TNIK: variants seen among roughly 807,000 people sequenced by gnomAD.
TNIK encodes TRAF2 and NCK-interacting protein kinase.
Under a neutral mutation model 191.3 loss-of-function variants are expected in TNIK, and 49 were observed. That is an observed-to-expected ratio of 0.26 (90% CI 0.20 to 0.32). The LOEUF is 0.32. Ranked by LOEUF, TNIK falls within the 10% of genes least tolerant of loss-of-function variation. The pLI, the probability that TNIK is intolerant of heterozygous loss-of-function variation, is 1.00. For missense variants in TNIK, 1,155 were observed against 1,702.3 expected, an observed-to-expected ratio of 0.68 and a Z score of 5.66; for synonymous variants, 594 against 600.9, an observed-to-expected ratio of 0.99 and a Z score of 0.17.
chr3:171,460,192 C>A lies in TNIK; in HGVS notation c.-129G>T. 1.7e-6 allele frequency: 2 copies of A among 1,181,256 alleles called. No homozygotes were observed. Among genetic ancestry groups the A allele is most frequent in the South Asian group, 1.4e-5 (1 of 72,734 alleles). 73.2% of individuals were successfully genotyped at this position (1,181,256 alleles called of 1,614,324 possible). ...CCAGAGGCCCCGGGCCCAGCCTCCC[C>A]CGCCCACCCCAGCCCCACAGCGCCG... On this transcript the variant is annotated 5_prime_UTR_variant, in exon 1 of 33. Transcript: ENST00000436636. The surrounding 1 kb of genome is among the most constrained non-coding windows in gnomAD (Gnocchi z 6.8).
chr3:171,104,150 A>C (rs1354461285), intron 21 of TNIK, among the ~76,000 whole-genome samples: 1 of 152,096 alleles, frequency 6.6e-6, no homozygotes, highest in African/African-American at 2.4e-5. Context: ...ATAATGAATA[A>C]TTCCAAAGTA....
intron 12 of TNIK, among the ~76,000 whole-genome samples, chr3:171,146,144 C>T (rs1483785596): frequency 6.6e-6 from 1 of 152,226 alleles, no homozygotes; most frequent in Admixed American, 6.5e-5. Context: ...AGATTGGTGA[C>T]CGCCCTGGGC....
intron 1 of TNIK, among the ~76,000 whole-genome samples, chr3:171,404,537 T>TC (rs1721417871): frequency 6.6e-6 from 1 of 152,064 alleles, no homozygotes; most frequent in Admixed American, 6.5e-5. Flanking sequence ...TGTTTTTTTT[T>TC]TTAACCGAGC....
At chr3:171,132,034 C>G (rs899291014) in intron 15 of TNIK, among the ~76,000 whole-genome samples, 11 of 152,152 alleles carry the variant, frequency 7.2e-5, no homozygotes, top group Admixed American at 5.2e-4. Flanking sequence ...CTGGGAACAA[C>G]AAGATATGTT....
chr3:171,367,538 C>T (rs905278335), intron 2 of TNIK, among the ~76,000 whole-genome samples: 2 of 151,884 alleles, frequency 1.3e-5, no homozygotes, highest in Admixed American at 6.6e-5. Context: ...GGCAAGATAT[C>T]GGCTCACCAC....
At chr3:171,456,480 A>T (rs1329754516) in intron 1 of TNIK, among the ~76,000 whole-genome samples, 1 of 152,240 alleles carries the variant, frequency 6.6e-6, no homozygotes, top group African/African-American at 2.4e-5. Context: ...AATACAAAAC[A>T]TACACACAAC....
chr3:171,187,814 A>G (rs1338617344), intron 7 of TNIK, among the ~76,000 whole-genome samples: 1 of 152,172 alleles, frequency 6.6e-6, no homozygotes, highest in Non-Finnish European at 1.5e-5. Flanking sequence ...TGAAAAGTCC[A>G]TGCACCTCTG....
chr3:171,307,495 A>C (rs1753580125), intron 2 of TNIK, among the ~76,000 whole-genome samples: 1 of 152,186 alleles, frequency 6.6e-6, no homozygotes, highest in Non-Finnish European at 1.5e-5. Flanking sequence ...ATCTGTGCAA[A>C]ATAGTTACTG....
chr3:171,448,559 T>C (rs149851404), intron 1 of TNIK, among the ~76,000 whole-genome samples: 91 of 150,954 alleles, frequency 6.0e-4, no homozygotes, highest in African/African-American at 2.1e-3. Flanking sequence ...ACTATAAATA[T>C]TCATGTACAC....
intron 2 of TNIK, among the ~76,000 whole-genome samples, chr3:171,249,607 C>G (rs1746003566): frequency 2.0e-5 from 3 of 152,158 alleles, no homozygotes. Context: ...TGGTACACAT[C>G]AGCATAATTC....
intron 1 of TNIK, chr3:171,439,770 G>C (rs1475296708): frequency 8.5e-5 from 13 of 152,248 alleles, no homozygotes; most frequent in Admixed American, 7.2e-4. Context: ...ACCAAATCCT[G>C]GACCACAAAT....
At chr3:171,326,234 T>C (rs919258212) in intron 2 of TNIK, among the ~76,000 whole-genome samples, 1 of 152,242 alleles carries the variant, frequency 6.6e-6, no homozygotes, top group African/African-American at 2.4e-5. Context: ...TGGTTTTAAA[T>C]GTTTTTAAAA....
chr3:171,389,627 G>C (rs1019735303), intron 1 of TNIK, among the ~76,000 whole-genome samples: 3 of 152,128 alleles, frequency 2.0e-5, no homozygotes, highest in Admixed American at 1.3e-4. Flanking sequence ...ACGGAACATA[G>C]AGTAGCCTGT....
At chr3:171,098,325 C>T (rs1304282545) in intron 22 of TNIK, among the ~76,000 whole-genome samples, 1 of 152,090 alleles carries the variant, frequency 6.6e-6, no homozygotes, top group Non-Finnish European at 1.5e-5. Flanking sequence ...TAAAGTAGTA[C>T]ATGCCCATCA....
At chr3:171,201,372 C>T (rs1365282917) in intron 4 of TNIK, among the ~76,000 whole-genome samples, 4 of 152,122 alleles carry the variant, frequency 2.6e-5, no homozygotes, top group Non-Finnish European at 5.9e-5. Flanking sequence ...GCACTCCAGC[C>T]TGGGCAACAA....
rs1742711817 is a variant in TNIK at position 171,224,253 on chromosome 3, C to T, written c.180+3912G>A. 2.0e-5 allele frequency among the ~76,000 whole-genome samples: 3 copies of T among 152,148 alleles called. No individual in the cohort carries two copies. The South Asian group carries it at 6.2e-4, about 32-fold the overall frequency. On this transcript the variant is annotated intron_variant, in intron 3 of 32. Transcript: ENST00000436636. ...TTTAATTCATACAAGCTAGTAAATT[C>T]CCTTTTCAGCTTCATTCAGTTTGAG... is the stretch of plus-strand genomic sequence containing the variant.
intron 9 of TNIK, 113 bp downstream of exon 9, chr3:171,175,139 C>G (rs1288787497): frequency 2.4e-5 from 24 of 994,388 alleles, no homozygotes; most frequent in Non-Finnish European, 3.6e-5. Flanking sequence ...ACCAAGTCAT[C>G]ATACATGTTA....
At chr3:171,182,648 G>A (rs1026082561) in intron 7 of TNIK, among the ~76,000 whole-genome samples, 3 of 152,144 alleles carry the variant, frequency 2.0e-5, no homozygotes, top group Non-Finnish European at 4.4e-5. Context: ...CAGAACTTTT[G>A]GCTGCTGGAA....
At chr3:171,317,797 C>T (rs17474280) in intron 2 of TNIK, among the ~76,000 whole-genome samples, 23,982 of 152,110 alleles carry the variant, frequency 0.16, 1,967 homozygotes, top group Non-Finnish European at 0.17. Context: ...GGTCCTAGCA[C>T]GTAGTTGTAT....
Sources: allele counts gnomAD v4.1 joint callset (sites outside exome capture counted in the v4.1 genomes callset), GRCh38; gene constraint gnomAD v4.1.1; non-coding constraint Gnocchi (gnomAD v3.1); transcripts MANE v1.5; gene names NCBI Gene and HGNC (gene_info 2026-07-23, HGNC 2026-07-21).